Variants in ZNG1E observed in about 807,000 individuals in gnomAD.
ZNG1E encodes the protein zinc-regulated GTPase metalloprotein activator 1E.
chr9:65,715,115 A>C, the ZNG1E span, among the ~76,000 whole-genome samples: 1,858 of 149,554 alleles, frequency 0.012, 38 homozygotes, highest in African/African-American at 0.039. Flanking sequence ...CCGTTTTTCA[A>C]GCCCGTCGGA....
chr9:65,708,203 C>A, the ZNG1E span: 2 of 146,150 alleles, frequency 1.4e-5, no homozygotes, highest in Non-Finnish European at 3.0e-5. Flanking sequence ...AATTATAACT[C>A]AATCACCAGT....
chr9:65,728,600 C>A, the ZNG1E span, among the ~76,000 whole-genome samples: 1 of 148,312 alleles, frequency 6.7e-6, no homozygotes, highest in African/African-American at 2.6e-5. Context: ...CCTTTACATG[C>A]ATAAACTAGA....
chr9:65,697,288 G>A, the ZNG1E span, among the ~76,000 whole-genome samples: 1 of 79,556 alleles, frequency 1.3e-5, no homozygotes, highest in African/African-American at 4.4e-5. Context: ...ATTGACATTT[G>A]TGTAGCATTG....
At chr9:65,661,949 G>A in the ZNG1E span, among the ~76,000 whole-genome samples, 1 of 152,386 alleles carries the variant, frequency 6.6e-6, no homozygotes, top group African/African-American at 2.4e-5. Flanking sequence ...ATGATCAACT[G>A]TGGGCTAGAG....
chr9:65,664,752 A>G, the ZNG1E span, among the ~76,000 whole-genome samples: 1 of 152,164 alleles, frequency 6.6e-6, no homozygotes, highest in Non-Finnish European at 1.5e-5. Context: ...GGAGCTTCCT[A>G]GAGACCTGTT....
At chr9:65,677,833 G>C in the ZNG1E span, among the ~76,000 whole-genome samples, 1 of 151,850 alleles carries the variant, frequency 6.6e-6, no homozygotes, top group Non-Finnish European at 1.5e-5. Context: ...TAGCCCCTTG[G>C]AATAGGTACT....
At chr9:65,719,986 A>C in the ZNG1E span, 2 of 1,590,742 alleles carry the variant, frequency 1.3e-6, no homozygotes, top group Non-Finnish European at 1.7e-6. Context: ...CACTAAACGT[A>C]TAAAGTTAAA....
the ZNG1E span, among the ~76,000 whole-genome samples, chr9:65,717,909 A>G: frequency 9.7e-5 from 14 of 143,900 alleles, no homozygotes; most frequent in African/African-American, 3.3e-4. Flanking sequence ...CTGATCTTAA[A>G]CTCCTGGGCT....
At chr9:65,717,792 A>G in the ZNG1E span, among the ~76,000 whole-genome samples, 4 of 146,670 alleles carry the variant, frequency 2.7e-5, no homozygotes, top group African/African-American at 1.1e-4. Context: ...GGCTTAAGCC[A>G]TCTTCCCACC....
chr9:65,719,463 ATCT>A, the ZNG1E span: 3 of 129,948 alleles, frequency 2.3e-5, no homozygotes, highest in African/African-American at 1.0e-4. Context: ...TGCCATGTTG[ATCT>A]TCTTGTGCTT....
the ZNG1E span, among the ~76,000 whole-genome samples, chr9:65,717,458 C>T: frequency 4.0e-5 from 6 of 148,622 alleles, no homozygotes; most frequent in Admixed American, 4.0e-4. Flanking sequence ...CCTAACTTTC[C>T]TCTCGATGAT....
chr9:65,686,681 A>G, the ZNG1E span, among the ~76,000 whole-genome samples: 1 of 152,146 alleles, frequency 6.6e-6, no homozygotes. Flanking sequence ...TACTTAGTGT[A>G]GCTACTTTCA....
At chr9:65,671,349 A>AT in the ZNG1E span, among the ~76,000 whole-genome samples, 1 of 123,704 alleles carries the variant, frequency 8.1e-6, no homozygotes, top group Non-Finnish European at 2.0e-5. Context: ...TTACTTTTTT[A>AT]TTTTTTTGTC....
chr9:65,667,345 A>G, the ZNG1E span, among the ~76,000 whole-genome samples: 2 of 152,252 alleles, frequency 1.3e-5, no homozygotes. Context: ...CCAAAATATG[A>G]GTTTGCTATA....
chr9:65,663,948 C>T, the ZNG1E span, among the ~76,000 whole-genome samples: 7 of 152,198 alleles, frequency 4.6e-5, no homozygotes, highest in African/African-American at 1.2e-4. Context: ...CTTCCACATA[C>T]ATATATCAGC....
the ZNG1E span, among the ~76,000 whole-genome samples, chr9:65,693,838 T>G: frequency 6.6e-6 from 1 of 151,852 alleles, no homozygotes; most frequent in African/African-American, 2.4e-5. Context: ...ATTACAGGCA[T>G]GAGCCACCAC....
At chr9:65,699,102 T>A in the ZNG1E span, among the ~76,000 whole-genome samples, 1 of 150,416 alleles carries the variant, frequency 6.6e-6, no homozygotes, top group East Asian at 2.0e-4. Context: ...TATTTTTTTT[T>A]AGTAGAGATG....
chr9:65,654,798 C>CA, the ZNG1E span, among the ~76,000 whole-genome samples: 1 of 146,952 alleles, frequency 6.8e-6, no homozygotes, highest in East Asian at 2.0e-4. Context: ...ATGTGTGTAA[C>CA]CTCATTCATT....
chr9:65,727,018 C>T, the ZNG1E span, among the ~76,000 whole-genome samples: 1 of 116,890 alleles, frequency 8.6e-6, no homozygotes, highest in African/African-American at 3.5e-5. Context: ...TAAAGGAAAA[C>T]TTACCAGATT....
Sources: gnomAD v4.1 joint callset for allele counts (sites outside exome capture counted in the v4.1 genomes callset) on GRCh38, gnomAD v4.1.1 for gene constraint, MANE v1.5 for transcripts, NCBI Gene and HGNC (gene_info 2026-07-23, HGNC 2026-07-21) for gene names.